Variants in NTRK1 observed in about 807,000 individuals in gnomAD.
The protein encoded by NTRK1 is high affinity nerve growth factor receptor.
Under a neutral mutation model 86.8 loss-of-function variants are expected in NTRK1, and 62 were observed. The ratio of observed to expected loss-of-function variants is 0.71; its 90% CI spans 0.58 to 0.88. The LOEUF (loss-of-function observed/expected upper bound fraction) is 0.88. Ranked by LOEUF, NTRK1 falls within the 40% of genes least tolerant of loss-of-function variation. The pLI is 0.00. For synonymous variants in NTRK1, 469 were observed against 456.6 expected, an observed-to-expected ratio of 1.03 and a Z score of -0.35; for missense variants, 967 against 1,078.4, an observed-to-expected ratio of 0.90 and a Z score of 1.45.
At chr1:156,870,353 G>T (rs1159665908) in intron 6 of NTRK1, among the ~76,000 whole-genome samples, 1 of 152,150 alleles carries the variant, frequency 6.6e-6, no homozygotes, top group Non-Finnish European at 1.5e-5. Flanking sequence ...TTTGAGACCA[G>T]CCTGGGCAAC....
intron 2 of NTRK1, among the ~76,000 whole-genome samples, chr1:156,846,955 T>C (rs1249588494): frequency 6.6e-6 from 1 of 152,214 alleles, no homozygotes; most frequent in South Asian, 2.1e-4. Context: ...CAGTGAAATT[T>C]GTAATGATAT....
upstream of NTRK1, chr1:156,858,774 A>C: frequency 1.6e-6 from 1 of 642,764 alleles, no homozygotes; most frequent in Non-Finnish European, 2.8e-6. Flanking sequence ...CAGAGACAGC[A>C]GGAGACAGAA....
At chr1:156,875,982 C>A in intron 12 of NTRK1, 98 bp from the exon 13 acceptor site, 2 of 1,578,982 alleles carry the variant, frequency 1.3e-6, no homozygotes, top group Middle Eastern at 1.8e-4. Context: ...CTCGTCTGGG[C>A]AGCCTTGTGC....
chr1:156,860,904 GC>G lies in NTRK1; in HGVS notation c.-27del, dbSNP rs2102878703. 6 of 1,426,038 alleles carry G rather than the reference GC, an allele frequency of 4.2e-6. 1 individual carries two copies. In the South Asian group the frequency reaches 9.0e-5, roughly 21 times the overall value. 88.3% of individuals were successfully genotyped at this position (1,426,038 alleles called of 1,614,324 possible). ...TGCAGCTGGGAGCGCACAGACGGCTGCCCCGCCTGAGCGAGGCGGGCGCCGC... is the reference window on the plus strand; with the variant it reads ...TGCAGCTGGGAGCGCACAGACGGCTGCCCGCCTGAGCGAGGCGGGCGCCGC... On this transcript the variant is annotated 5_prime_UTR_variant, in exon 1 of 17. Coordinates refer to ENST00000524377, the MANE Select transcript of NTRK1 (RefSeq NM_002529.4).
chr1:156,842,148 A>G, exon 2 of NTRK1: 1 of 1,613,750 alleles, frequency 6.2e-7, no homozygotes, highest in Non-Finnish European at 8.5e-7. Flanking sequence ...GACACCATGC[A>G]GTTGCGGGCT....
chr1:156,871,888 A>C (rs1647578817), intron 7 of NTRK1, 133 bp downstream of exon 7: 5 of 1,273,436 alleles, frequency 3.9e-6, no homozygotes, highest in African/African-American at 1.5e-5. Flanking sequence ...AGCTGTTTCC[A>C]GATTCCCATG....
At chr1:156,863,757 G>T (rs1320212884) in intron 1 of NTRK1, among the ~76,000 whole-genome samples, 1 of 152,164 alleles carries the variant, frequency 6.6e-6, no homozygotes, top group Non-Finnish European at 1.5e-5. Flanking sequence ...ACACACATTT[G>T]CATGAGCACA....
At chr1:156,866,623 G>A (rs1459778656) in intron 3 of NTRK1, among the ~76,000 whole-genome samples, 1 of 152,200 alleles carries the variant, frequency 6.6e-6, no homozygotes, top group African/African-American at 2.4e-5. Flanking sequence ...AGCAGTGGGG[G>A]AGGGAGGAGC....
rs74367682 is a variant in NTRK1 at position 156,841,852 on chromosome 1, C to T, written c.-63-229C>T. 3,231 of 1,613,572 alleles carry T rather than the reference C, an allele frequency of 2.0e-3. 2 individuals carry two copies. The highest frequency in any genetic ancestry group is 2.6e-3 in the Non-Finnish European group (3,074 of 1,179,688). On this transcript the variant is annotated intron_variant, in intron 1 of 16. Transcript: ENST00000392302. ...GGGGCATAAGAGCCACGCACTAGCT[C>T]CTGCCCCTGGGATACCTCTCCCAAT...
exon 2 of NTRK1, chr1:156,842,145 T>C: frequency 1.9e-6 from 3 of 1,614,018 alleles, no homozygotes; most frequent in Non-Finnish European, 2.5e-6. Flanking sequence ...TGGGACACCA[T>C]GCAGTTGCGG....
At chr1:156,823,504 C>T (rs998552236) in intron 1 of NTRK1, among the ~76,000 whole-genome samples, 7 of 152,270 alleles carry the variant, frequency 4.6e-5, no homozygotes, top group African/African-American at 1.7e-4. Flanking sequence ...ATGTGGGATA[C>T]CATGCTGAGA....
intron 1 of NTRK1, among the ~76,000 whole-genome samples, chr1:156,823,665 T>G (rs1174991887): frequency 6.6e-6 from 1 of 152,194 alleles, no homozygotes; most frequent in African/African-American, 2.4e-5. Context: ...TGCTAAGGAA[T>G]AGTACCAGGT....
upstream of NTRK1, among the ~76,000 whole-genome samples, chr1:156,860,605 G>T (rs1307556469): frequency 6.6e-6 from 1 of 152,198 alleles, no homozygotes; most frequent in Non-Finnish European, 1.5e-5. Context: ...GAGAAATAAC[G>T]TATCAGCTTC....
intron 1 of NTRK1, among the ~76,000 whole-genome samples, chr1:156,820,902 CT>C (rs1265617716): frequency 6.6e-6 from 1 of 152,150 alleles, no homozygotes; most frequent in Non-Finnish European, 1.5e-5. Context: ...AATATTGATT[CT>C]TACCATCCAT....
At chr1:156,830,910 T>C (rs1654453295) in intron 1 of NTRK1, among the ~76,000 whole-genome samples, 1 of 152,180 alleles carries the variant, frequency 6.6e-6, no homozygotes, top group South Asian at 2.1e-4. Flanking sequence ...GCTTGGGTAT[T>C]TTCTTACCTT....
At chr1:156,845,782 G>A in intron 2 of NTRK1, 2 of 1,613,118 alleles carry the variant, frequency 1.2e-6, no homozygotes, top group Non-Finnish European at 8.5e-7. Flanking sequence ...CCGTCGAAGC[G>A]CGGATCGTTG....
At chr1:156,846,859 T>C (rs971793701) in intron 2 of NTRK1, 6 of 957,144 alleles carry the variant, frequency 6.3e-6, no homozygotes. Context: ...CCTTCCAGTA[T>C]GCATGAGGGC....
In NTRK1 at chr1:156,844,817, C is replaced by T. The variant is rs1286288313; in HGVS notation, c.50+2624C>T. ...TTCTTGCTGGAGGCCTCCCAGGCCA[C>T]CTTTCCTGGAATACCATCAGCCTCT... On this transcript the variant is annotated intron_variant, in intron 2 of 16. Transcript: ENST00000392302. 24 of 1,614,000 alleles carry T rather than the reference C, an allele frequency of 1.5e-5. 1 individual carries two copies. Among genetic ancestry groups the T allele is most frequent in the Non-Finnish European group, 2.0e-5 (24 of 1,180,038 alleles).
At chr1:156,827,751 A>G (rs1654361093) in intron 1 of NTRK1, among the ~76,000 whole-genome samples, 1 of 152,132 alleles carries the variant, frequency 6.6e-6, no homozygotes, top group South Asian at 2.1e-4. Flanking sequence ...AAGAAGTGAA[A>G]TAGAAGTGAG....
Sources: allele counts gnomAD v4.1 joint callset (sites outside exome capture counted in the v4.1 genomes callset), GRCh38; gene constraint gnomAD v4.1.1; transcripts MANE v1.5; gene names NCBI Gene and HGNC (gene_info 2026-07-23, HGNC 2026-07-21).